The following STIL variants were observed in gnomAD, a reference collection of about 807,000 sequenced individuals.
STIL encodes the protein STIL centriolar assembly protein.
STIL carries 55 observed loss-of-function variants against 110.1 expected under a neutral mutation model. That is an observed-to-expected ratio of 0.50 (90% CI 0.40 to 0.63). STIL has a LOEUF of 0.63. STIL is among the 20% of genes least tolerant of loss of function. The probability of loss-of-function intolerance (pLI) is 0.00; values close to 1 mark genes in which losing one functional copy is unlikely to be tolerated. For synonymous variants in STIL, 481 were observed against 530.0 expected (o/e 0.91, Z 1.27); for missense variants, 1,358 against 1,530.0 (o/e 0.89, Z 1.87).
At chr1:47,268,768 TAAA>T (rs1557719162) in intron 14 of STIL, among the ~76,000 whole-genome samples, 13 of 149,724 alleles carry the variant, frequency 8.7e-5, no homozygotes, top group African/African-American at 3.2e-4. Context: ...CATAAATAAA[TAAA>T]TAAATAAATA....
Position 47,287,676 on chromosome 1 carries a change from T to A in STIL, c.1024-16A>T. On this transcript the variant is annotated splice_polypyrimidine_tract_variant and intron_variant, in intron 9 of 16. Coordinates refer to ENST00000371877, the MANE Select transcript of STIL (RefSeq NM_001048166.1). Reference sequence around the variant, plus strand: ...GTTCAACATTCTGAAATGAAGTAGGTCATATTTTGAGATCTGACTTAAATA... The same window carrying A: ...GTTCAACATTCTGAAATGAAGTAGGACATATTTTGAGATCTGACTTAAATA... The A allele has an allele frequency of 6.3e-7, 1 of 1,593,484 alleles. No individual in the cohort carries two copies. The highest frequency in any genetic ancestry group is 8.6e-7 in the Non-Finnish European group (1 of 1,161,748).
chr1:47,250,247 CTT>C lies in STIL; in HGVS notation c.*887_*888del, dbSNP rs1358130907. Reference sequence around the variant, plus strand: ...ACTCATACTCAATAATTTTCTTATTCTTTGATAGCCAGTGTGACATGTTGAAG... The same window carrying C: ...ACTCATACTCAATAATTTTCTTATTCTGATAGCCAGTGTGACATGTTGAAG... On this transcript the variant is annotated 3_prime_UTR_variant, in exon 17 of 17. Coordinates refer to ENST00000371877, the MANE Select transcript of STIL (RefSeq NM_001048166.1). 1.1e-5 allele frequency: 2 copies of C among 173,926 alleles called. No individual in the cohort carries two copies. Among genetic ancestry groups the C allele is most frequent in the African/African-American group, 4.7e-5 (2 of 42,138 alleles). 10.8% of individuals were successfully genotyped at this position (173,926 alleles called of 1,614,324 possible).
intron 7 of STIL, among the ~76,000 whole-genome samples, chr1:47,294,098 T>C (rs180953491): frequency 7.0e-4 from 106 of 152,332 alleles, no homozygotes; most frequent in Non-Finnish European, 1.2e-3. Flanking sequence ...CATTCATGCA[T>C]TCTCATTCAC....
At chr1:47,309,092 T>G (rs1334606023) in intron 2 of STIL, among the ~76,000 whole-genome samples, 1 of 151,846 alleles carries the variant, frequency 6.6e-6, no homozygotes, top group Non-Finnish European at 1.5e-5. Context: ...AGTGTACAGT[T>G]GGATTGTCTC....
chr1:47,300,226 G>GATACAT, intron 5 of STIL, 74 bp from the exon 6 acceptor site: 1 of 1,355,958 alleles, frequency 7.4e-7, no homozygotes, highest in African/African-American at 1.5e-5. Flanking sequence ...ATTTTATACT[G>GATACAT]ATACATATAC....
At chr1:47,288,725 C>G (rs944348965) in intron 9 of STIL, among the ~76,000 whole-genome samples, 2 of 151,316 alleles carry the variant, frequency 1.3e-5, no homozygotes, top group Non-Finnish European at 2.9e-5. Context: ...TATAAAAAAC[C>G]ATTTCTTATT....
At chr1:47,314,528 A>G (rs1169653417), upstream of STIL, among the ~76,000 whole-genome samples, 1 of 152,240 alleles carries the variant, frequency 6.6e-6, no homozygotes, top group East Asian at 1.9e-4. Context: ...GGCGACTGGA[A>G]GCGGACACCC....
At chr1:47,276,812 T>TAAAAAAAACAAAAA (rs1645006146) in intron 12 of STIL, among the ~76,000 whole-genome samples, 1 of 67,630 alleles carries the variant, frequency 1.5e-5, no homozygotes, top group Non-Finnish European at 2.7e-5. Context: ...AAACTCTGCC[T>TAAAAAAAACAAAAA]AAAAAAAAAA....
At chr1:47,259,485 T>C (rs1179289455) in intron 16 of STIL, among the ~76,000 whole-genome samples, 1 of 151,412 alleles carries the variant, frequency 6.6e-6, no homozygotes, top group Non-Finnish European at 1.5e-5. Flanking sequence ...GAGACGGGGT[T>C]TCACCATCTT....
chr1:47,272,109 T>C lies in STIL; in HGVS notation c.2350A>G (p.Met784Val). The C allele has an allele frequency of 8.7e-6, 14 of 1,614,214 alleles. No homozygotes were observed. The highest frequency in any genetic ancestry group is 1.3e-5 in the African/African-American group (1 of 75,064). ...ACAGCAATGCTTACACCTTTTCTCA[T>C]GTGCAAGCCAGGGGAAGACTGTGCT... is the stretch of plus-strand genomic sequence containing the variant. ...VEAQSSPGLH[M>V]RKGVSIAVST... is the part of the protein sequence containing the mutation. Residue 784 changes from methionine to valine, a missense_variant, in exon 13 of 17, where the codon ATG becomes GTG. Met to Val is a conservative substitution (Grantham distance 21). Transcript: ENST00000371877.
At chr1:47,305,893 A>C (rs7545862) in intron 2 of STIL, among the ~76,000 whole-genome samples, 1 of 151,112 alleles carries the variant, frequency 6.6e-6, no homozygotes, top group Non-Finnish European at 1.5e-5. Flanking sequence ...CACCACACGC[A>C]GGTAATTTTT....
chr1:47,257,392 G>T (rs889112692), intron 16 of STIL, among the ~76,000 whole-genome samples: 1 of 152,106 alleles, frequency 6.6e-6, no homozygotes, highest in Non-Finnish European at 1.5e-5. Context: ...TACTCAAAAA[G>T]CTGAGGCAGG....
In STIL at chr1:47,281,099, A is replaced by G; in HGVS notation, c.1359T>C (p.Pro453=). 6.2e-7 allele frequency: 1 copy of G among 1,614,188 alleles called. No homozygotes were observed. Among genetic ancestry groups the G allele is most frequent in the African/African-American group, 1.3e-5 (1 of 75,058 alleles). ...TPLEMVNNEN[P]PLINHLEHLK... ...AGTGTTCCAAGTGGTTAATCAAAGG[A>G]GGATTTTCATTATTCACCATTTCCA... Residue 453 remains proline, a synonymous_variant, in exon 12 of 17, where the codon CCT becomes CCC. Transcript: ENST00000371877.
chr1:47,275,481 G>T (rs192815445), intron 12 of STIL, among the ~76,000 whole-genome samples: 1 of 151,788 alleles, frequency 6.6e-6, no homozygotes, highest in South Asian at 2.1e-4. Flanking sequence ...GGTGGCCAAC[G>T]CCTGTAGTCC....
chr1:47,287,339 CA>C (rs935287533), intron 10 of STIL, among the ~76,000 whole-genome samples: 1 of 152,010 alleles, frequency 6.6e-6, no homozygotes, highest in Admixed American at 6.6e-5. Context: ...TACATCAACC[CA>C]AATGAAAACC....
chr1:47,304,505 T>C (rs146960051), intron 3 of STIL, among the ~76,000 whole-genome samples: 81 of 152,352 alleles, frequency 5.3e-4, no homozygotes, highest in Middle Eastern at 6.8e-3. Flanking sequence ...CTAAACTTTC[T>C]TGTCTGTCAA....
At chr1:47,266,669 TTTA>T (rs1644662651) in intron 14 of STIL, among the ~76,000 whole-genome samples, 1 of 152,234 alleles carries the variant, frequency 6.6e-6, no homozygotes, top group Non-Finnish European at 1.5e-5. Flanking sequence ...ACCTTCAAAA[TTTA>T]TCCTACACCT....
At chr1:47,271,126 TTATACC>T (rs1644823345) in intron 13 of STIL, among the ~76,000 whole-genome samples, 1 of 152,198 alleles carries the variant, frequency 6.6e-6, no homozygotes, top group African/African-American at 2.4e-5. Context: ...CTTATTGTAT[TTATACC>T]TATGAGTATT....
intron 16 of STIL, among the ~76,000 whole-genome samples, chr1:47,258,857 G>A (rs1005430286): frequency 3.3e-5 from 5 of 151,984 alleles, no homozygotes; most frequent in East Asian, 1.9e-4. Flanking sequence ...GTGACAGAGC[G>A]AGACTGTCTC....
Sources: gnomAD v4.1 joint callset for allele counts (sites outside exome capture counted in the v4.1 genomes callset) on GRCh38, gnomAD v4.1.1 for gene constraint, MANE v1.5 for transcripts, NCBI Gene and HGNC (gene_info 2026-07-23, HGNC 2026-07-21) for gene names.